The following ABCA9 variants were observed in gnomAD, a reference collection of about 807,000 sequenced individuals.
ABCA9 encodes ATP-binding cassette sub-family A member 9.
In ABCA9, 183 loss-of-function variants were observed where a neutral mutation model predicts 205.3. The observed-to-expected ratio is 0.89, with a 90% CI of 0.79 to 1.01. The LOEUF (loss-of-function observed/expected upper bound fraction) is 1.01. Ranked by LOEUF, ABCA9 falls within the 50% of genes least tolerant of loss-of-function variation. The pLI is 0.00. For synonymous variants in ABCA9, 651 were observed against 683.3 expected, an observed-to-expected ratio of 0.95 and a Z score of 0.74; for missense variants, 1,805 against 1,912.4, an observed-to-expected ratio of 0.94 and a Z score of 1.05.
At chr17:69,051,948 G>A (rs1165084547) in intron 1 of ABCA9, among the ~76,000 whole-genome samples, 2 of 152,140 alleles carry the variant, frequency 1.3e-5, no homozygotes, top group African/African-American at 4.8e-5. Flanking sequence ...GGTGAAAAGT[G>A]GGAATTGGAA....
intron 34 of ABCA9, among the ~76,000 whole-genome samples, chr17:68,984,450 G>A (rs1354057020): frequency 2.0e-5 from 3 of 152,142 alleles, no homozygotes; most frequent in Non-Finnish European, 2.9e-5. Context: ...AGAAAATTAG[G>A]AGAATTTACT....
the ABCA9 span, among the ~76,000 whole-genome samples, chr17:69,067,922 C>A: frequency 1.1e-4 from 17 of 152,284 alleles, no homozygotes; most frequent in African/African-American, 4.1e-4. Flanking sequence ...AGTAGATGCT[C>A]ATCTCTGTGC....
rs2069603677 is a variant in ABCA9 at position 68,995,895 on chromosome 17, C to T, written c.3555G>A (p.Glu1185=). The T allele has an allele frequency of 1.2e-6, 2 of 1,613,408 alleles. No individual in the cohort carries two copies. The highest frequency in any genetic ancestry group is 1.7e-5 in the Admixed American group (1 of 59,976). ...CTCAGACAGAAGTGGAACTACTTAC[C>T]TCAGAAAAAATGAATAGAGAGCCAA... ...TLIGSLFIFS[E]ISPDSMDYLG... The change falls in exon 26 of 39, where the codon GAG becomes GAA. Residue 1185 remains glutamate, a splice_region_variant and synonymous_variant. Coordinates refer to ENST00000340001, the MANE Select transcript of ABCA9 (RefSeq NM_080283.4).
intron 25 of ABCA9, among the ~76,000 whole-genome samples, chr17:68,997,055 C>T (rs537056503): frequency 2.6e-5 from 4 of 152,312 alleles, no homozygotes; most frequent in Admixed American, 2.6e-4. Context: ...CTCAGCCTCC[C>T]AAGTAGCTGG....
At chr17:69,043,376 G>T in intron 6 of ABCA9, 113 bp downstream of exon 6, 1 of 761,902 alleles carries the variant, frequency 1.3e-6, no homozygotes, top group East Asian at 2.7e-5. Context: ...AACTGGCCAT[G>T]GACCAGTAGC....
At chr17:69,024,994 T>C (rs12943969) in intron 16 of ABCA9, among the ~76,000 whole-genome samples, 75,933 of 151,908 alleles carry the variant, frequency 0.5, 22,503 homozygotes, top group Non-Finnish European at 0.66. Flanking sequence ...AAGATCACAA[T>C]TGACTGATGA....
At position 69,049,326 on chromosome 17, in the gene ABCA9, G is replaced by T. The variant is rs757965070; in HGVS notation, c.261C>A (p.Thr87=). 1.9e-6 allele frequency: 3 copies of T among 1,613,042 alleles called. No homozygotes were observed. In the Admixed American group the frequency reaches 5.0e-5, roughly 27 times the overall value. ...VIAFAPESKT[T]QEIMNKVASA... is the part of the protein sequence containing the mutation. The stretch of plus-strand genomic sequence containing the variant: ...AAGCCACTTTGTTCATTATCTCTTG[G>T]GTAGTTTTGGATTCAGGTGCAAATG... Residue 87 remains threonine (T), a synonymous_variant, in exon 3 of 39, where the codon ACC becomes ACA. Transcript: ENST00000340001.
At chr17:69,040,334 A>T (rs1016862186) in intron 6 of ABCA9, among the ~76,000 whole-genome samples, 1 of 152,184 alleles carries the variant, frequency 6.6e-6, no homozygotes, top group African/African-American at 2.4e-5. Flanking sequence ...GACTGGATTT[A>T]AAAAATGTGG....
intron 23 of ABCA9, among the ~76,000 whole-genome samples, chr17:69,008,825 C>A (rs540071472): frequency 6.6e-6 from 1 of 152,320 alleles, no homozygotes; most frequent in East Asian, 1.9e-4. Context: ...ATTGTGACCA[C>A]TATAAGTCAC....
At chr17:69,039,947 A>T (rs1411131054) in intron 6 of ABCA9, among the ~76,000 whole-genome samples, 1 of 151,360 alleles carries the variant, frequency 6.6e-6, no homozygotes, top group Non-Finnish European at 1.5e-5. Flanking sequence ...CAACAAACAT[A>T]TGAAAAAAAG....
In ABCA9 at chr17:69,018,579, T is replaced by C; in HGVS notation, c.2601A>G (p.Ile867Met). The C allele has an allele frequency of 6.3e-7, 1 of 1,575,854 alleles. No individual in the cohort carries two copies. Among genetic ancestry groups the C allele is most frequent in the Non-Finnish European group, 8.6e-7 (1 of 1,166,922 alleles). The change falls in exon 20 of 39, where the codon ATA (isoleucine) becomes ATG (methionine). Residue 867 changes from isoleucine to methionine, a missense_variant and splice_region_variant. Transcript: ENST00000340001. ...LKKERKSLWTILLLFGISFIP... is the reference protein window; with the variant it reads ...LKKERKSLWTMLLLFGISFIP... ...TAAAGCTAATACCAAAAAGCAATAA[T>C]CTATGCAGAGGAAAATGTAAAAGAA...
chr17:69,043,465 ATGGAT>A lies in ABCA9; in HGVS notation c.800+19_800+23del. 1 of 1,526,050 alleles carries A rather than the reference ATGGAT, an allele frequency of 6.6e-7. No homozygotes were observed. Among genetic ancestry groups the A allele is most frequent in the African/African-American group, 1.4e-5 (1 of 72,280 alleles). The allele number at this position is 1,526,050 out of a possible 1,614,324, so 94.5% of individuals were successfully genotyped here. A position where few individuals can be genotyped will look rare whatever the true frequency, so the allele number is the denominator to read the frequency against. On this transcript the variant is annotated intron_variant, in intron 6 of 38. Transcript: ENST00000340001. Reference sequence around the variant, plus strand: ...TTGTTCTGTTTGTTTATGCTGTATAATGGATTGGAGTCATATGATTTACCAGAATG... The same window carrying A: ...TTGTTCTGTTTGTTTATGCTGTATAATGGAGTCATATGATTTACCAGAATG...
chr17:69,074,321 T>C, the ABCA9 span, among the ~76,000 whole-genome samples: 1 of 152,344 alleles, frequency 6.6e-6, no homozygotes, highest in South Asian at 2.1e-4. Context: ...GTATATTGCA[T>C]GATGCTGTGT....
chr17:69,019,209 C>A (rs1230080065), intron 19 of ABCA9, among the ~76,000 whole-genome samples: 1 of 152,042 alleles, frequency 6.6e-6, no homozygotes, highest in African/African-American at 2.4e-5. Flanking sequence ...TCTCCATATT[C>A]TACCATTACC....
At position 69,043,602 on chromosome 17, in the gene ABCA9, A is replaced by G. The variant is rs748211859; in HGVS notation, c.687T>C (p.Phe229=). ...TAAATGTAGAAAAAGAAATAATGCA[A>G]AAGAAAATGAAAAAATCAGTTGCAA... is the stretch of plus-strand genomic sequence containing the variant. ...GGVATDFFIF[F]CIISFSTFIY... The change falls in exon 6 of 39, where the codon TTT becomes TTC. Residue 229 remains phenylalanine, a synonymous_variant. Transcript: ENST00000340001. The G allele has an allele frequency of 1.2e-6, 2 of 1,613,620 alleles. No homozygotes were observed. The highest frequency in any genetic ancestry group is 3.3e-5 in the Admixed American group (2 of 59,964).
intron 26 of ABCA9, 55 bp downstream of exon 26, chr17:68,995,840 C>T: frequency 1.2e-6 from 2 of 1,601,810 alleles, no homozygotes; most frequent in Non-Finnish European, 1.7e-6. Context: ...ATATTCATGG[C>T]TTTCTCAAAT....
intron 37 of ABCA9, among the ~76,000 whole-genome samples, chr17:68,981,988 C>A (rs755843371): frequency 2.6e-4 from 40 of 152,034 alleles, no homozygotes; most frequent in Admixed American, 7.9e-4. Flanking sequence ...AAAAACCAAG[C>A]CCCTGATACA....
At chr17:69,044,073 T>C (rs1028929264) in intron 5 of ABCA9, among the ~76,000 whole-genome samples, 1 of 152,148 alleles carries the variant, frequency 6.6e-6, no homozygotes, top group Admixed American at 6.6e-5. Context: ...TGGTCTGTAA[T>C]CCCAGCTACT....
At chr17:69,072,647 A>C in the ABCA9 span, among the ~76,000 whole-genome samples, 268 of 148,240 alleles carry the variant, frequency 1.8e-3, 1 homozygote, top group African/African-American at 6.0e-3. Flanking sequence ...AAAAAAAAAA[A>C]CAAAATGTAA....
Sources: gnomAD v4.1 joint callset for allele counts (sites outside exome capture counted in the v4.1 genomes callset) on GRCh38, gnomAD v4.1.1 for gene constraint, MANE v1.5 for transcripts, NCBI Gene and HGNC (gene_info 2026-07-23, HGNC 2026-07-21) for gene names.